Variants in SLC41A2 observed in about 807,000 individuals in gnomAD.
The protein encoded by SLC41A2 is SLC41A1-like 1.
In SLC41A2, 32 loss-of-function variants were observed where a neutral mutation model predicts 58.3. That is an observed-to-expected ratio of 0.55 (90% confidence interval 0.41 to 0.74). The LOEUF (loss-of-function observed/expected upper bound fraction) is 0.74, where lower values mean the gene tolerates loss of function less well. Ranked by LOEUF, SLC41A2 falls within the 30% of genes least tolerant of loss-of-function variation. The pLI, the probability that SLC41A2 is intolerant of heterozygous loss-of-function variation, is 0.00. For missense variants in SLC41A2, 514 were observed against 680.6 expected, an observed-to-expected ratio of 0.76 and a Z score of 2.72; for synonymous variants, 190 against 235.0, an observed-to-expected ratio of 0.81 and a Z score of 1.75.
chr12:104,834,065 A>G, intron 10 of SLC41A2: 1 of 985,382 alleles, frequency 1.0e-6, no homozygotes, highest in Non-Finnish European at 1.2e-6. Context: ...TACAAGACCG[A>G]AAAGAGCTCT....
At chr12:104,846,995 A>C (rs1402647193) in intron 8 of SLC41A2, among the ~76,000 whole-genome samples, 1 of 152,188 alleles carries the variant, frequency 6.6e-6, no homozygotes, top group African/African-American at 2.4e-5. Context: ...AGGAAAAAGC[A>C]ATAAAGAATA....
chr12:104,897,444 G>A (rs1376469227), intron 3 of SLC41A2, among the ~76,000 whole-genome samples: 1 of 151,456 alleles, frequency 6.6e-6, no homozygotes, highest in Non-Finnish European at 1.5e-5. Context: ...CACACCCAGT[G>A]TCACTTTTCA....
intron 1 of SLC41A2, among the ~76,000 whole-genome samples, chr12:104,929,749 C>A (rs556255740): frequency 1.3e-5 from 2 of 152,358 alleles, no homozygotes; most frequent in East Asian, 3.9e-4. Flanking sequence ...AAAAATGGCA[C>A]TGATTTGATA....
Position 104,844,556 on chromosome 12 carries a change from G to C in SLC41A2, c.1452C>G (p.Leu484=). ...LLVIPGHLIF[L]YTIHLMKSGH... ...CACTTTTCATCAAATGAATAGTGTA[G>C]AGGAAAATTAAATGTCCAGGAATCA... Residue 484 remains leucine, a synonymous_variant, in exon 10 of 11, where the codon CTC becomes CTG. Coordinates refer to ENST00000258538, the MANE Select transcript of SLC41A2 (RefSeq NM_001352171.3). 1 of 1,573,418 alleles carries C rather than the reference G, an allele frequency of 6.4e-7. No homozygotes were observed. Among genetic ancestry groups the C allele is most frequent in the South Asian group, 1.2e-5 (1 of 82,496 alleles).
chr12:104,889,304 C>T, intron 4 of SLC41A2, 127 bp from the exon 5 acceptor site: 1 of 943,624 alleles, frequency 1.1e-6, no homozygotes, highest in Non-Finnish European at 1.6e-6. Flanking sequence ...GCTACATTAC[C>T]TTTTAGAGTA....
intron 1 of SLC41A2, among the ~76,000 whole-genome samples, chr12:104,938,905 C>T (rs1292095290): frequency 6.6e-6 from 1 of 152,208 alleles, no homozygotes; most frequent in Non-Finnish European, 1.5e-5. Flanking sequence ...AGTTTTAAAA[C>T]ACTGGCTTCC....
chr12:104,929,459 T>G (rs2135891888), intron 1 of SLC41A2, among the ~76,000 whole-genome samples: 1 of 152,378 alleles, frequency 6.6e-6, no homozygotes, highest in Admixed American at 6.5e-5. Context: ...TGTCCATTCA[T>G]AGTTCTCAGT....
At chr12:104,903,925 A>T (rs2045682456) in intron 3 of SLC41A2, among the ~76,000 whole-genome samples, 1 of 152,208 alleles carries the variant, frequency 6.6e-6, no homozygotes, top group South Asian at 2.1e-4. Context: ...TCTCTTAAAT[A>T]TGGACACATA....
intron 2 of SLC41A2, among the ~76,000 whole-genome samples, chr12:104,927,136 G>C (rs1444194474): frequency 6.6e-6 from 1 of 152,082 alleles, no homozygotes; most frequent in Non-Finnish European, 1.5e-5. Context: ...TTGACAGTAG[G>C]AGTATAAATT....
chr12:104,841,737 C>T (rs1286101833), intron 10 of SLC41A2, among the ~76,000 whole-genome samples: 1 of 152,030 alleles, frequency 6.6e-6, no homozygotes, highest in Non-Finnish European at 1.5e-5. Flanking sequence ...TATGAAGGTT[C>T]CTTCAAATAG....
At chr12:104,911,757 C>T (rs1230872965) in intron 2 of SLC41A2, among the ~76,000 whole-genome samples, 1 of 152,088 alleles carries the variant, frequency 6.6e-6, no homozygotes, top group African/African-American at 2.4e-5. Flanking sequence ...TCAAAGAGTT[C>T]ACAAGGGAAA....
Position 104,803,622 on chromosome 12 carries a change from C to A in SLC41A2, c.*1530G>T, listed in dbSNP as rs1352973627. On this transcript the variant is annotated 3_prime_UTR_variant, in exon 11 of 11. Transcript: ENST00000258538. ...CTTATCAGCTTAAATTATTAAATAT[C>A]TAACGGTCTTGAGAGATTGAATTTT... The A allele has an allele frequency of 6.6e-6, 1 of 152,074 alleles. No homozygotes were observed. The highest frequency in any genetic ancestry group is 2.4e-5 in the African/African-American group (1 of 41,426). 9.4% of individuals were successfully genotyped at this position (152,074 alleles called of 1,614,324 possible).
At chr12:104,845,271 A>G (rs930895170) in intron 9 of SLC41A2, among the ~76,000 whole-genome samples, 2 of 152,194 alleles carry the variant, frequency 1.3e-5, no homozygotes, top group African/African-American at 4.8e-5. Flanking sequence ...AGCCTGTGCA[A>G]CAGAGCAAAG....
At chr12:104,949,686 C>G (rs1014461936) in intron 1 of SLC41A2, among the ~76,000 whole-genome samples, 1 of 152,178 alleles carries the variant, frequency 6.6e-6, no homozygotes, top group Non-Finnish European at 1.5e-5. Flanking sequence ...TGGGTTCAAG[C>G]AATTCTCCTG....
intron 1 of SLC41A2, among the ~76,000 whole-genome samples, chr12:104,937,338 T>C (rs1170310150): frequency 3.3e-5 from 5 of 152,210 alleles, no homozygotes; most frequent in Non-Finnish European, 7.3e-5. Context: ...AAATGCCCTA[T>C]ACAGGTGTAT....
chr12:104,865,570 T>C (rs1184840675), intron 7 of SLC41A2, among the ~76,000 whole-genome samples: 1 of 152,194 alleles, frequency 6.6e-6, no homozygotes, highest in Non-Finnish European at 1.5e-5. Context: ...ATTCTGCTCA[T>C]TCAGTTAACA....
intron 4 of SLC41A2, among the ~76,000 whole-genome samples, chr12:104,890,621 A>G (rs969373764): frequency 6.6e-6 from 1 of 152,172 alleles, no homozygotes; most frequent in Non-Finnish European, 1.5e-5. Context: ...TGACTAACTG[A>G]AAAATGACTA....
At chr12:104,842,023 AAG>A (rs1313764134) in intron 10 of SLC41A2, among the ~76,000 whole-genome samples, 3 of 152,092 alleles carry the variant, frequency 2.0e-5, no homozygotes, top group African/African-American at 7.2e-5. Flanking sequence ...ATATTTGAAT[AAG>A]AGCTTGGACC....
In SLC41A2 at chr12:104,866,403, C is replaced by T. The variant is rs775445978; in HGVS notation, c.1175+29G>A. 1,887 of 1,596,602 alleles carry T rather than the reference C, an allele frequency of 1.2e-3. 37 individuals are homozygous for T. The East Asian group carries it at 0.039, about 33-fold the overall frequency. On this transcript the variant is annotated intron_variant, in intron 7 of 10. Transcript: ENST00000258538. ...ACGTACACACACACACACACACACA[C>T]ACACACACACACATATTTTAATACT...
Sources: allele counts gnomAD v4.1 joint callset (sites outside exome capture counted in the v4.1 genomes callset), GRCh38; gene constraint gnomAD v4.1.1; transcripts MANE v1.5; gene names NCBI Gene and HGNC (gene_info 2026-07-23, HGNC 2026-07-21).